GSN: variants seen among roughly 807,000 people sequenced by gnomAD.
GSN encodes the protein actin-depolymerizing factor.
A neutral mutation model predicts 85.7 loss-of-function variants in GSN; 56 were observed. That is an observed-to-expected ratio of 0.65 (90% confidence interval 0.53 to 0.82). GSN has a LOEUF of 0.82. Among genes scored for constraint, GSN ranks in the 40% least tolerant of loss-of-function variants. The pLI is 0.00. For missense variants in GSN, 857 were observed against 979.8 expected (o/e 0.87, Z 1.67); for synonymous variants, 373 against 399.1 (o/e 0.93, Z 0.78).
At chr9:121,246,565 A>G (rs1229430354) in intron 5 of GSN, among the ~76,000 whole-genome samples, 4 of 152,340 alleles carry the variant, frequency 2.6e-5, no homozygotes. Flanking sequence ...TTAGAGATTT[A>G]TTATGGAAAT....
chr9:121,231,742 AAGAG>A (rs768661588), intron 5 of GSN, among the ~76,000 whole-genome samples: 3 of 152,068 alleles, frequency 2.0e-5, no homozygotes, highest in Non-Finnish European at 4.4e-5. Flanking sequence ...AATCATGAAA[AAGAG>A]AGAGAGAAGG....
At chr9:121,325,145 G>A (rs1247878477) in intron 12 of GSN, among the ~76,000 whole-genome samples, 1 of 152,220 alleles carries the variant, frequency 6.6e-6, no homozygotes, top group African/African-American at 2.4e-5. Context: ...AGATTGCTGT[G>A]AGGATTAAGA....
intron 13 of GSN, chr9:121,327,059 C>T: frequency 1.5e-6 from 1 of 681,794 alleles, no homozygotes; most frequent in Non-Finnish European, 2.7e-6. Context: ...CTCCTTTGTT[C>T]TGGGCATTCA....
intron 4 of GSN, among the ~76,000 whole-genome samples, chr9:121,224,962 A>G (rs1245520166): frequency 6.6e-6 from 1 of 152,112 alleles, no homozygotes; most frequent in East Asian, 1.9e-4. Context: ...GGGACCACAG[A>G]CGCATGCCAC....
At chr9:121,316,194 C>A (rs2133598451) in intron 7 of GSN, among the ~76,000 whole-genome samples, 1 of 152,214 alleles carries the variant, frequency 6.6e-6, no homozygotes, top group East Asian at 1.9e-4. Context: ...TTTTTTTGAG[C>A]TTGGTTGAAC....
rs769261312 is a variant in GSN, at chr9:121,318,419, C to T, written c.900C>T (p.Asn300=). 6.2e-7 allele frequency: 1 copy of T among 1,614,064 alleles called. No individual in the cohort carries two copies. The highest frequency in any genetic ancestry group is 1.7e-5 in the Admixed American group (1 of 60,026). ...KIFVWKGKQA[N]TEERKAALKT... ...GGCTGCCAACAGGCAAGCAGGCAAA[C>T]ACGGAGGAGAGGAAGGCTGCCCTCA... The change falls in exon 9 of 18, where the codon AAC becomes AAT. Residue 300 remains asparagine (N), a synonymous_variant. Transcript: ENST00000432226. This position sits in a 1 kb window ranked among gnomAD's most constrained non-coding sequence, Gnocchi z 4.3.
chr9:121,219,243 A>C (rs529186132), intron 4 of GSN, among the ~76,000 whole-genome samples: 2 of 150,288 alleles, frequency 1.3e-5, no homozygotes, highest in East Asian at 3.9e-4. Context: ...AAATACCAGA[A>C]GGTTCAAGTT....
At chr9:121,308,786 C>T (rs1005830863) in intron 4 of GSN, 2 of 152,278 alleles carry the variant, frequency 1.3e-5, no homozygotes, top group Admixed American at 1.3e-4. Context: ...TTTTGCACAT[C>T]AGTGCGATGC....
intron 4 of GSN, among the ~76,000 whole-genome samples, chr9:121,219,944 C>T (rs143034530): frequency 1.3e-4 from 20 of 151,914 alleles, no homozygotes; most frequent in African/African-American, 4.6e-4. Context: ...TGCAATGGCG[C>T]GATCTCAGCT....
chr9:121,263,404 AT>A (rs2055128237), upstream of GSN, among the ~76,000 whole-genome samples: 1 of 152,210 alleles, frequency 6.6e-6, no homozygotes, highest in African/African-American at 2.4e-5. Context: ...TGTATTAGTC[AT>A]TTTCACACTG....
intron 5 of GSN, among the ~76,000 whole-genome samples, chr9:121,237,238 T>C (rs2054513149): frequency 6.6e-6 from 1 of 152,160 alleles, no homozygotes; most frequent in Non-Finnish European, 1.5e-5. Flanking sequence ...CATCTATTTA[T>C]TGTATAAGAA....
chr9:121,286,640 T>C, intron 2 of GSN: 2 of 1,532,424 alleles, frequency 1.3e-6, no homozygotes, highest in East Asian at 4.9e-5. Flanking sequence ...TGTTCCTGTT[T>C]GTGTGCCCTC....
chr9:121,233,676 C>A (rs574989936), intron 5 of GSN, among the ~76,000 whole-genome samples: 12 of 152,226 alleles, frequency 7.9e-5, no homozygotes, highest in African/African-American at 2.9e-4. Context: ...ACTCATAGAA[C>A]CATGAGAGAT....
intron 5 of GSN, among the ~76,000 whole-genome samples, chr9:121,241,281 G>A (rs2054598257): frequency 6.6e-6 from 1 of 152,144 alleles, no homozygotes; most frequent in Non-Finnish European, 1.5e-5. Context: ...TTTCTCCCTA[G>A]GTAAATGGAT....
chr9:121,328,997 C>G lies in GSN; in HGVS notation c.1869C>G (p.Asn623Lys), dbSNP rs1382934200. Residue 623 changes from asparagine (N) to lysine (K), a missense_variant, in exon 15 of 18, where the codon AAC becomes AAG. Coordinates refer to ENST00000432226, the MANE Select transcript of GSN (RefSeq NM_198252.3). ...CTCCTCGCCTCTTTGCCTGCTCCAACAAGATTGGACGTTTTGTGGTGAGCC... is the reference window on the plus strand; with the variant it reads ...CTCCTCGCCTCTTTGCCTGCTCCAAGAAGATTGGACGTTTTGTGGTGAGCC... Reference protein sequence around the residue: ...AHPPRLFACSNKIGRFVIEEV... With the variant: ...AHPPRLFACSKKIGRFVIEEV... 6.2e-7 allele frequency: 1 copy of G among 1,613,968 alleles called. No homozygotes were observed. The highest frequency in any genetic ancestry group is 2.2e-5 in the East Asian group (1 of 44,884).
At chr9:121,266,560 C>T (rs2055215327), upstream of GSN, among the ~76,000 whole-genome samples, 1 of 152,156 alleles carries the variant, frequency 6.6e-6, no homozygotes, top group Non-Finnish European at 1.5e-5. Context: ...GCAGAATTTC[C>T]CAAGCCAGGA....
intron 4 of GSN, among the ~76,000 whole-genome samples, chr9:121,216,800 A>G (rs917470350): frequency 3.3e-5 from 5 of 152,198 alleles, no homozygotes; most frequent in African/African-American, 1.2e-4. Flanking sequence ...AACAAATAGT[A>G]CAGGCTCAGT....
At chr9:121,326,827 C>G in intron 13 of GSN, 145 bp downstream of exon 13, 1 of 833,450 alleles carries the variant, frequency 1.2e-6, no homozygotes. Context: ...CCTGCCGTGG[C>G]CACAGGGTTG....
At chr9:121,268,141 A>G (rs2055322350), upstream of GSN, 1 of 149,696 alleles carries the variant, frequency 6.7e-6, no homozygotes, top group South Asian at 2.0e-4. Context: ...CGCGCACCAC[A>G]ACGCCCCCGC....
Sources: gnomAD v4.1 joint callset for allele counts (sites outside exome capture counted in the v4.1 genomes callset) on GRCh38, gnomAD v4.1.1 for gene constraint, Gnocchi (gnomAD v3.1) non-coding constraint, MANE v1.5 for transcripts, NCBI Gene and HGNC (gene_info 2026-07-23, HGNC 2026-07-21) for gene names.